The following FAHD2A variants were observed in gnomAD, a reference collection of about 807,000 sequenced individuals.
The protein encoded by FAHD2A is fumarylacetoacetate hydrolase domain containing 2A.
FAHD2A carries 27 observed loss-of-function variants against 33.4 expected under a neutral mutation model. The ratio of observed to expected loss-of-function variants is 0.81; its 90% CI spans 0.60 to 1.11. The LOEUF is 1.11. Ranked by LOEUF, FAHD2A falls within the 50% of genes most tolerant of loss-of-function variation. FAHD2A has a pLI of 0.00. For missense variants in FAHD2A, 296 were observed against 395.0 expected, an observed-to-expected ratio of 0.75 and a Z score of 2.12; for synonymous variants, 130 against 153.3, an observed-to-expected ratio of 0.85 and a Z score of 1.12.
downstream of FAHD2A, among the ~76,000 whole-genome samples, chr2:95,418,190 A>G (rs1040515752): frequency 4.6e-5 from 7 of 152,020 alleles, no homozygotes; most frequent in African/African-American, 1.5e-4. Flanking sequence ...TATCACAAAG[A>G]CTGACATAGA....
At chr2:95,403,348 G>A (rs991458193) in intron 1 of FAHD2A, among the ~76,000 whole-genome samples, 1 of 152,206 alleles carries the variant, frequency 6.6e-6, no homozygotes, top group African/African-American at 2.4e-5. Flanking sequence ...GAATGAACCT[G>A]CATGTGTGTG....
chr2:95,408,528 C>T (rs1049797003), intron 3 of FAHD2A, among the ~76,000 whole-genome samples: 1 of 152,130 alleles, frequency 6.6e-6, no homozygotes, highest in African/African-American at 2.4e-5. Flanking sequence ...TGGCAGAAGG[C>T]AAGGAGGAGC....
downstream of FAHD2A, among the ~76,000 whole-genome samples, chr2:95,417,898 T>G (rs936250601): frequency 6.6e-6 from 1 of 152,070 alleles, no homozygotes; most frequent in Non-Finnish European, 1.5e-5. Context: ...CCACTGGTAG[T>G]TAGGGTTTCA....
chr2:95,413,165 T>C lies in FAHD2A; in HGVS notation c.*208T>C. On this transcript the variant is annotated 3_prime_UTR_variant, in exon 8 of 8. Transcript: ENST00000233379. Reference sequence around the variant, plus strand: ...TCTGCTGTTTGTCTTCTTTTGGGCTTTGTTTCATGGGACAAGTTGGGGCAT... The same window carrying C: ...TCTGCTGTTTGTCTTCTTTTGGGCTCTGTTTCATGGGACAAGTTGGGGCAT... 9.4e-7 allele frequency: 1 copy of C among 1,068,680 alleles called. No individual in the cohort carries two copies. The highest frequency in any genetic ancestry group is 1.3e-6 in the Non-Finnish European group (1 of 751,744). 66.2% of individuals were successfully genotyped at this position (1,068,680 alleles called of 1,614,324 possible). A position where few individuals can be genotyped will look rare whatever the true frequency, so the allele number is the denominator to read the frequency against.
intron 2 of FAHD2A, among the ~76,000 whole-genome samples, chr2:95,406,579 G>C (rs1681596215): frequency 6.6e-6 from 1 of 152,024 alleles, no homozygotes; most frequent in Non-Finnish European, 1.5e-5. Flanking sequence ...GATGTAAATA[G>C]TATGCTATCA....
Position 95,407,075 on chromosome 2 carries a change from C to G in FAHD2A, c.380C>G (p.Pro127Arg). 6.2e-7 allele frequency: 1 copy of G among 1,612,780 alleles called. No individual in the cohort carries two copies. The highest frequency in any genetic ancestry group is 8.5e-7 in the Non-Finnish European group (1 of 1,179,854). Reference protein sequence around the residue: ...DHCKEQNVPVPKEPIIFSKFA... With the variant: ...DHCKEQNVPVRKEPIIFSKFA... ...TGCAAAGAACAGAACGTGCCCGTGC[C>G]CAAGGAGCCCATCATCTTCAGCAAG... Residue 127 changes from proline (P) to arginine (R), a missense_variant, in exon 3 of 8, where the codon CCC (proline) becomes CGC (arginine). Coordinates refer to ENST00000233379, the MANE Select transcript of FAHD2A (RefSeq NM_016044.3).
Position 95,413,756 on chromosome 2 carries a change from G to T in FAHD2A, c.*799G>T. The stretch of plus-strand genomic sequence containing the variant: ...CTAGAAGGATGAGCCAGTGATTTGG[G>T]AGACCAAGAGGCAGGAAACCATCCC... On this transcript the variant is annotated 3_prime_UTR_variant, in exon 8 of 8. Transcript: ENST00000233379. The T allele has an allele frequency of 1.4e-6, 1 of 713,712 alleles. No homozygotes were observed. Among genetic ancestry groups the T allele is most frequent in the African/African-American group, 1.8e-5 (1 of 55,772 alleles). The allele number at this position is 713,712 out of a possible 1,614,324, so 44.2% of individuals were successfully genotyped here.
intron 2 of FAHD2A, among the ~76,000 whole-genome samples, chr2:95,406,318 A>G (rs1380463780): frequency 1.1e-4 from 16 of 145,904 alleles, no homozygotes; most frequent in Non-Finnish European, 1.9e-4. Context: ...TAAATTAAAA[A>G]TACTTTAAGA....
chr2:95,414,705 A>G lies in FAHD2A; in HGVS notation c.*1748A>G. 7.8e-6 allele frequency: 1 copy of G among 128,614 alleles called. No homozygotes were observed. The highest frequency in any genetic ancestry group is 1.4e-5 in the Non-Finnish European group (1 of 69,340). The allele number at this position is 128,614 out of a possible 1,614,324, so 8.0% of individuals were successfully genotyped here. On this transcript the variant is annotated 3_prime_UTR_variant, in exon 8 of 8. Transcript: ENST00000233379. ...AAGGAAGCCCAGCACAGACCATCTC[A>G]TCTCACTCCACCATCACTTCTTTGC...
chr2:95,409,361 A>G (rs1234225958), intron 3 of FAHD2A, among the ~76,000 whole-genome samples: 3 of 151,890 alleles, frequency 2.0e-5, no homozygotes, highest in Non-Finnish European at 4.4e-5. Flanking sequence ...TATTGTGCAG[A>G]TGGAGTGCAG....
Position 95,415,005 on chromosome 2 carries a change from A to C in FAHD2A, c.*2048A>C, listed in dbSNP as rs1683021206. 2 of 152,194 alleles carry C rather than the reference A, an allele frequency of 1.3e-5. No homozygotes were observed. Among genetic ancestry groups the C allele is most frequent in the Non-Finnish European group, 2.9e-5 (2 of 68,076 alleles). The allele number at this position is 152,194 out of a possible 1,614,324, so 9.4% of individuals were successfully genotyped here. A position where few individuals can be genotyped will look rare whatever the true frequency, so the allele number is the denominator to read the frequency against. ...CTCTCACACACTCATCCTCACACCC[A>C]GCTATACCACACCCCACAAATGTTG... On this transcript the variant is annotated 3_prime_UTR_variant, in exon 8 of 8. Coordinates refer to ENST00000233379, the MANE Select transcript of FAHD2A (RefSeq NM_016044.3).
At position 95,410,903 on chromosome 2, in the gene FAHD2A, G is replaced by C; in HGVS notation, c.562G>C (p.Ala188Pro). ...AMAHVAGFTV[A>P]HDVSARDWQM... is the part of the protein sequence containing the mutation. ...GGCCCACGTGGCCGGCTTCACTGTG[G>C]CTCATGACGTGAGTGCTCGTGACTG... is the stretch of plus-strand genomic sequence containing the variant. The change falls in exon 5 of 8, where the codon GCT becomes CCT. Residue 188 changes from alanine (A) to proline (P), a missense_variant. Physicochemically the swap from Ala to Pro is conservative, Grantham distance 27. Transcript: ENST00000233379. 6.2e-7 allele frequency: 1 copy of C among 1,614,010 alleles called. No individual in the cohort carries two copies. Among genetic ancestry groups the C allele is most frequent in the Non-Finnish European group, 8.5e-7 (1 of 1,179,870 alleles).
Position 95,413,810 on chromosome 2 carries a change from T to C in FAHD2A, c.*853T>C. ...TTCTCCAACCCATCACCACGTCTAT[T>C]GCTGGAAGACACCAAGTAAATCCCA... On this transcript the variant is annotated 3_prime_UTR_variant, in exon 8 of 8. Coordinates refer to ENST00000233379, the MANE Select transcript of FAHD2A (RefSeq NM_016044.3). 1 of 721,372 alleles carries C rather than the reference T, an allele frequency of 1.4e-6. No homozygotes were observed. Among genetic ancestry groups the C allele is most frequent in the Non-Finnish European group, 2.4e-6 (1 of 410,242 alleles). The allele number at this position is 721,372 out of a possible 1,614,324, so 44.7% of individuals were successfully genotyped here. A position where few individuals can be genotyped will look rare whatever the true frequency, so the allele number is the denominator to read the frequency against.
intron 5 of FAHD2A, among the ~76,000 whole-genome samples, chr2:95,411,298 C>G (rs1209707455): frequency 1.3e-5 from 2 of 152,234 alleles, no homozygotes; most frequent in Non-Finnish European, 2.9e-5. Context: ...GTGGATCGGG[C>G]TTCCTGCGGC....
intron 1 of FAHD2A, 106 bp from the exon 2 acceptor site, chr2:95,405,447 C>T (rs1234398330): frequency 1.6e-5 from 24 of 1,490,654 alleles, no homozygotes; most frequent in South Asian, 9.6e-5. Flanking sequence ...ATGCAGGGAA[C>T]GGTTGATGGG....
rs774093755 is a variant in FAHD2A at position 95,405,725 on chromosome 2, A to G, written c.167A>G (p.Asn56Ser). 1.7e-5 allele frequency: 28 copies of G among 1,613,852 alleles called. No homozygotes were observed. In the Admixed American group the frequency reaches 3.3e-4, roughly 19 times the overall value. Residue 56 changes from asparagine (N) to serine (S), a missense_variant, in exon 2 of 8, where the codon AAT (asparagine) becomes AGT (serine). Asn to Ser is a conservative substitution (Grantham distance 46). Transcript: ENST00000233379. ...TGNGGGVINL[N>S]AFDPTLPKTM... The stretch of plus-strand genomic sequence containing the variant: ...AATGGTGGAGGGGTTATCAACCTCA[A>G]TGCCTTTGACCCCACACTCCCGAAG...
rs1682950459 is a variant in FAHD2A at position 95,414,378 on chromosome 2, A to T, written c.*1421A>T. The T allele has an allele frequency of 1.5e-6, 1 of 669,952 alleles. No individual in the cohort carries two copies. The highest frequency in any genetic ancestry group is 2.7e-6 in the Non-Finnish European group (1 of 365,802). 41.5% of individuals were successfully genotyped at this position (669,952 alleles called of 1,614,324 possible). ...TAGAGTATGAAGATGTGGAGCTGGG[A>T]AAACAGAGGATGTGGTGGGATGGGG... is the stretch of plus-strand genomic sequence containing the variant. On this transcript the variant is annotated 3_prime_UTR_variant, in exon 8 of 8. Coordinates refer to ENST00000233379, the MANE Select transcript of FAHD2A (RefSeq NM_016044.3).
chr2:95,412,102 A>G (rs1309301791), intron 5 of FAHD2A, among the ~76,000 whole-genome samples: 1 of 152,110 alleles, frequency 6.6e-6, no homozygotes, highest in Non-Finnish European at 1.5e-5. Flanking sequence ...TGCTGAGTCA[A>G]TCTACAGGTG....
rs144830327 is a variant in FAHD2A at position 95,405,771 on chromosome 2, G to A, written c.213G>A (p.Glu71=). 11,800 of 1,613,374 alleles carry A rather than the reference G, an allele frequency of 7.3e-3. 85 individuals are homozygous for A. The highest frequency in any genetic ancestry group is 7.9e-3 in the Non-Finnish European group (9,265 of 1,179,766). Residue 71 remains glutamate, a synonymous_variant, in exon 2 of 8, where the codon GAG becomes GAA. Transcript: ENST00000233379. ...CGAAGACGATGACGCAGTTCCTAGA[G>A]CAGGGAGAGGCCACCCTCTCAGTGG... is the stretch of plus-strand genomic sequence containing the variant. ...TLPKTMTQFL[E]QGEATLSVAR... is the part of the protein sequence containing the mutation.
Sources: allele counts gnomAD v4.1 joint callset (sites outside exome capture counted in the v4.1 genomes callset), GRCh38; gene constraint gnomAD v4.1.1; transcripts MANE v1.5; gene names NCBI Gene and HGNC (gene_info 2026-07-23, HGNC 2026-07-21).